DPP10: variants seen among roughly 807,000 people sequenced by gnomAD.
The protein encoded by DPP10 is inactive dipeptidyl peptidase 10.
DPP10 carries 33 observed loss-of-function variants against 120.9 expected under a neutral mutation model. The observed-to-expected ratio is 0.27, with a 90% CI of 0.21 to 0.37. DPP10 has a LOEUF of 0.37. Among genes scored for constraint, DPP10 ranks in the 10% least tolerant of loss-of-function variants. The pLI is 1.00. For synonymous variants in DPP10, 337 were observed against 326.1 expected, an observed-to-expected ratio of 1.03 and a Z score of -0.36; for missense variants, 816 against 942.8, an observed-to-expected ratio of 0.87 and a Z score of 1.76.
intron 1 of DPP10, among the ~76,000 whole-genome samples, chr2:115,289,166 A>T (rs2060534480): frequency 6.6e-6 from 1 of 152,120 alleles, no homozygotes; most frequent in Non-Finnish European, 1.5e-5. Context: ...CTGAGAATAA[A>T]ATCAAGAACT....
chr2:115,186,085 C>T (rs1251081604), intron 1 of DPP10, among the ~76,000 whole-genome samples: 1 of 152,192 alleles, frequency 6.6e-6, no homozygotes, highest in East Asian at 1.9e-4. Flanking sequence ...ATTATGTTGA[C>T]TTCATGTCTA....
intron 1 of DPP10, among the ~76,000 whole-genome samples, chr2:115,293,411 GTA>G (rs1024435188): frequency 3.9e-5 from 6 of 152,212 alleles, no homozygotes; most frequent in African/African-American, 1.4e-4. Context: ...GGCAATGATG[GTA>G]TTTACACCTT....
At chr2:114,529,649 T>G (rs975726710) in intron 1 of DPP10, among the ~76,000 whole-genome samples, 1 of 152,206 alleles carries the variant, frequency 6.6e-6, no homozygotes. Context: ...ATCCCTAGCC[T>G]GCAATTTTAT....
intron 1 of DPP10, among the ~76,000 whole-genome samples, chr2:114,516,977 GGA>G (rs1405792950): frequency 3.3e-5 from 5 of 152,054 alleles, no homozygotes; most frequent in African/African-American, 1.2e-4. Flanking sequence ...CAACTTTGGT[GGA>G]TAACAGTTAA....
At chr2:115,799,989 A>G (rs1402586527) in intron 19 of DPP10, among the ~76,000 whole-genome samples, 1 of 151,714 alleles carries the variant, frequency 6.6e-6, no homozygotes, top group Non-Finnish European at 1.5e-5. Context: ...TTCTAGTTCT[A>G]GATCCCTGAG....
chr2:115,598,924 C>T (rs762188095), intron 5 of DPP10, among the ~76,000 whole-genome samples: 83 of 150,820 alleles, frequency 5.5e-4, no homozygotes, highest in Non-Finnish European at 1.1e-3. Context: ...TTTTGAAACA[C>T]GTCTCACTCA....
intron 3 of DPP10, among the ~76,000 whole-genome samples, chr2:115,357,628 C>A (rs565188003): frequency 4.9e-4 from 74 of 152,238 alleles, no homozygotes; most frequent in African/African-American, 1.7e-3. Flanking sequence ...GATGGTGGGC[C>A]CCTTCTCACA....
chr2:114,654,487 A>G (rs1696828393), intron 1 of DPP10, among the ~76,000 whole-genome samples: 1 of 152,212 alleles, frequency 6.6e-6, no homozygotes, highest in African/African-American at 2.4e-5. Flanking sequence ...TCCAAACTAT[A>G]GATAGGATAG....
At chr2:115,390,201 G>A (rs1233789693) in intron 3 of DPP10, among the ~76,000 whole-genome samples, 1 of 152,172 alleles carries the variant, frequency 6.6e-6, no homozygotes, top group Non-Finnish European at 1.5e-5. Flanking sequence ...TAGGAAAAAG[G>A]CAACTCTTCA....
chr2:115,667,708 A>G (rs1285211594), intron 5 of DPP10, among the ~76,000 whole-genome samples: 1 of 152,058 alleles, frequency 6.6e-6, no homozygotes, highest in African/African-American at 2.4e-5. Flanking sequence ...CTGTTTCTGT[A>G]CCAGTCCCAT....
At chr2:115,165,078 A>G (rs1387368903) in intron 1 of DPP10, among the ~76,000 whole-genome samples, 3 of 152,232 alleles carry the variant, frequency 2.0e-5, no homozygotes, top group Admixed American at 1.3e-4. Flanking sequence ...CAATATCTCA[A>G]TTAACATTGA....
At chr2:115,207,124 T>TA (rs2056187775) in intron 1 of DPP10, among the ~76,000 whole-genome samples, 1 of 152,176 alleles carries the variant, frequency 6.6e-6, no homozygotes. Context: ...AAACGATGCT[T>TA]ACACTTCCCA....
intron 3 of DPP10, among the ~76,000 whole-genome samples, chr2:115,407,779 C>A (rs1442207505): frequency 1.3e-5 from 2 of 152,144 alleles, no homozygotes; most frequent in African/African-American, 4.8e-5. Flanking sequence ...GAAATTAACT[C>A]TTCCCAGTTT....
At chr2:114,562,585 A>G (rs555149877) in intron 1 of DPP10, among the ~76,000 whole-genome samples, 1 of 152,308 alleles carries the variant, frequency 6.6e-6, no homozygotes, top group East Asian at 1.9e-4. Flanking sequence ...ACTCTAGCCC[A>G]TTTTACAGCC....
At chr2:115,816,281 G>A (rs1203538932) in intron 21 of DPP10, among the ~76,000 whole-genome samples, 4 of 152,182 alleles carry the variant, frequency 2.6e-5, no homozygotes, top group East Asian at 1.9e-4. Context: ...GCAGAAGCGC[G>A]GCCAGTGTCA....
At chr2:115,774,957 A>G (rs1200927162) in intron 13 of DPP10, among the ~76,000 whole-genome samples, 1 of 152,150 alleles carries the variant, frequency 6.6e-6, no homozygotes, top group African/African-American at 2.4e-5. Flanking sequence ...ACACTCTCTG[A>G]AGACAATGAA....
chr2:115,551,905 A>G (rs368368102), intron 5 of DPP10, among the ~76,000 whole-genome samples: 1 of 152,158 alleles, frequency 6.6e-6, no homozygotes, highest in Non-Finnish European at 1.5e-5. Flanking sequence ...ATTTCAAATT[A>G]TATCTATTAA....
At chr2:115,038,372 G>A (rs912700301) in intron 1 of DPP10, among the ~76,000 whole-genome samples, 2 of 151,952 alleles carry the variant, frequency 1.3e-5, no homozygotes, top group African/African-American at 2.4e-5. Context: ...CCGGGTTCAC[G>A]CCATTCTCCT....
intron 3 of DPP10, among the ~76,000 whole-genome samples, chr2:115,393,681 T>C (rs2067474939): frequency 6.6e-6 from 1 of 152,362 alleles, no homozygotes; most frequent in South Asian, 2.1e-4. Flanking sequence ...CTTTCTCTAC[T>C]ACACAGCTCA....
Sources: gnomAD v4.1 joint callset for allele counts (sites outside exome capture counted in the v4.1 genomes callset) on GRCh38, gnomAD v4.1.1 for gene constraint, MANE v1.5 for transcripts, NCBI Gene and HGNC (gene_info 2026-07-23, HGNC 2026-07-21) for gene names.